Variants in BNC2 observed in about 807,000 individuals in gnomAD.
The protein encoded by BNC2 is basonuclin zinc finger protein 2, also known as zinc finger protein basonuclin-2.
In BNC2, 20 loss-of-function variants were observed where a neutral mutation model predicts 76.3. The observed-to-expected ratio is 0.26, with a 90% CI of 0.18 to 0.38. BNC2 has a LOEUF of 0.38. Ranked by LOEUF, BNC2 falls within the 10% of genes least tolerant of loss-of-function variation. The pLI is 1.00. For synonymous variants in BNC2, 582 were observed against 514.8 expected, an observed-to-expected ratio of 1.13 and a Z score of -1.77; for missense variants, 1,382 against 1,399.8, an observed-to-expected ratio of 0.99 and a Z score of 0.20.
chr9:16,744,239 G>A (rs1278998502), intron 1 of BNC2, among the ~76,000 whole-genome samples: 7 of 152,186 alleles, frequency 4.6e-5, no homozygotes, highest in African/African-American at 1.7e-4. Context: ...AAAGTGCTGG[G>A]ATTACAGGCG....
chr9:16,541,416 C>T (rs1415434701), intron 5 of BNC2, among the ~76,000 whole-genome samples: 2 of 152,132 alleles, frequency 1.3e-5, no homozygotes, highest in Non-Finnish European at 2.9e-5. Flanking sequence ...TGGCACAAGC[C>T]CATGGCTACT....
chr9:16,789,165 T>G lies in BNC2; in HGVS notation c.4-50680A>C, dbSNP rs540594867. 2.6e-5 allele frequency among the ~76,000 whole-genome samples: 4 copies of G among 152,240 alleles called. No homozygotes were observed. The South Asian group carries it at 8.3e-4, about 32-fold the overall frequency. ...TGCATGAGTCCATTTACATGATATT[T>G]TGAGAAACACAAAACTATAGGGGCA... On this transcript the variant is annotated intron_variant, in intron 1 of 6. Transcript: ENST00000380672.
intron 3 of BNC2, among the ~76,000 whole-genome samples, chr9:16,610,725 T>C (rs1358069454): frequency 1.3e-5 from 2 of 152,136 alleles, no homozygotes; most frequent in East Asian, 3.9e-4. Context: ...AGAAGATCAT[T>C]AGGTACATGG....
chr9:16,585,021 T>C (rs1252216605), intron 3 of BNC2, among the ~76,000 whole-genome samples: 4 of 152,088 alleles, frequency 2.6e-5, no homozygotes, highest in East Asian at 1.9e-4. Flanking sequence ...TAAAATGAGA[T>C]GGTATTTCAA....
At chr9:16,442,477 C>A (rs1821147344) in intron 5 of BNC2, among the ~76,000 whole-genome samples, 1 of 152,146 alleles carries the variant, frequency 6.6e-6, no homozygotes, top group South Asian at 2.1e-4. Flanking sequence ...TATCTGAGTC[C>A]TTTCCCACAT....
chr9:16,439,648 G>C (rs888492676), intron 5 of BNC2, among the ~76,000 whole-genome samples: 6 of 152,156 alleles, frequency 3.9e-5, no homozygotes, highest in Non-Finnish European at 7.3e-5. Flanking sequence ...AATTCTCTCT[G>C]AAACACTGCC....
intron 6 of BNC2, among the ~76,000 whole-genome samples, chr9:16,428,852 T>C (rs1044134230): frequency 3.9e-5 from 6 of 152,222 alleles, no homozygotes; most frequent in Non-Finnish European, 8.8e-5. Flanking sequence ...ACTCCTGTTT[T>C]AATTCAAGCA....
intron 5 of BNC2, among the ~76,000 whole-genome samples, chr9:16,448,393 A>G (rs1476302129): frequency 3.3e-5 from 5 of 152,274 alleles, no homozygotes; most frequent in Admixed American, 1.3e-4. Context: ...CAAAACTTGA[A>G]CAATTCAAGG....
rs1280801363 is a variant in BNC2 at position 16,413,454 on chromosome 9, G to A, written c.*5535C>T. 4 of 151,694 alleles carry A rather than the reference G, an allele frequency of 2.6e-5. No individual in the cohort carries two copies. The highest frequency in any genetic ancestry group is 5.9e-5 in the Non-Finnish European group (4 of 67,970). 9.4% of individuals were successfully genotyped at this position (151,694 alleles called of 1,614,324 possible). On this transcript the variant is annotated 3_prime_UTR_variant, in exon 7 of 7. Transcript: ENST00000380672. ...TAATCTTTTGGATTAAAAGCATTTGGATTTTTCAACAAATGCCAAAAAGAC... is the reference window on the plus strand; with the variant it reads ...TAATCTTTTGGATTAAAAGCATTTGAATTTTTCAACAAATGCCAAAAAGAC...
At chr9:16,652,654 C>T (rs1821825111) in intron 3 of BNC2, among the ~76,000 whole-genome samples, 1 of 152,182 alleles carries the variant, frequency 6.6e-6, no homozygotes, top group African/African-American at 2.4e-5. Context: ...ATGATATCAT[C>T]ACTTTTCTTC....
intron 1 of BNC2, among the ~76,000 whole-genome samples, chr9:16,837,705 G>C (rs1818739653): frequency 6.6e-6 from 1 of 152,134 alleles, no homozygotes; most frequent in Admixed American, 6.5e-5. Flanking sequence ...TCCTCTGAAG[G>C]TATATAAGAC....
intron 1 of BNC2, among the ~76,000 whole-genome samples, chr9:16,798,814 C>T (rs772313142): frequency 1.3e-5 from 2 of 152,054 alleles, no homozygotes; most frequent in African/African-American, 2.4e-5. Flanking sequence ...TAAACATATG[C>T]CCACAGAGAG....
intron 5 of BNC2, among the ~76,000 whole-genome samples, chr9:16,542,351 A>C (rs1818348640): frequency 6.6e-6 from 1 of 152,062 alleles, no homozygotes; most frequent in Non-Finnish European, 1.5e-5. Flanking sequence ...TCTCAAGTCT[A>C]CCTTGACTGA....
intron 1 of BNC2, among the ~76,000 whole-genome samples, chr9:16,768,236 G>C (rs1825746669): frequency 6.6e-6 from 1 of 152,080 alleles, no homozygotes; most frequent in African/African-American, 2.4e-5. Flanking sequence ...AAAGTGCTAG[G>C]ATTACAGGCG....
chr9:16,680,401 T>A (rs964897986), intron 3 of BNC2, among the ~76,000 whole-genome samples: 2 of 152,036 alleles, frequency 1.3e-5, no homozygotes, highest in Non-Finnish European at 2.9e-5. Flanking sequence ...TCATTTAAAT[T>A]TCATATAAAA....
At chr9:16,674,489 A>G (rs1039831707) in intron 3 of BNC2, among the ~76,000 whole-genome samples, 2 of 152,332 alleles carry the variant, frequency 1.3e-5, no homozygotes, top group African/African-American at 4.8e-5. Context: ...TAGTCATTTT[A>G]CAACTCGCAT....
At chr9:16,674,123 T>C (rs1309801285) in intron 3 of BNC2, among the ~76,000 whole-genome samples, 1 of 152,198 alleles carries the variant, frequency 6.6e-6, no homozygotes, top group Non-Finnish European at 1.5e-5. Flanking sequence ...AGCATCAATT[T>C]CATATCCTCA....
rs1821667729 is a variant in BNC2, at chr9:16,464,744, T to A, written c.670-27220A>T. ...GCTAATTTTTGTATTTTAGCAGAGA[T>A]GGTAACTATATCATTATATGATGTG... On this transcript the variant is annotated intron_variant, in intron 5 of 6. Coordinates refer to ENST00000380672, the MANE Select transcript of BNC2 (RefSeq NM_017637.6). Among the ~76,000 whole-genome samples, 2 of 152,118 alleles carry A rather than the reference T, an allele frequency of 1.3e-5. 1 individual carries two copies. Among genetic ancestry groups the A allele is most frequent in the African/African-American group, 4.8e-5 (2 of 41,414 alleles).
chr9:16,627,162 T>A (rs564105770), intron 3 of BNC2, among the ~76,000 whole-genome samples: 1 of 152,260 alleles, frequency 6.6e-6, no homozygotes, highest in African/African-American at 2.4e-5. Context: ...GGAGTGTATG[T>A]AGTGAGGCAT....
Sources: gnomAD v4.1 joint callset for allele counts (sites outside exome capture counted in the v4.1 genomes callset) on GRCh38, gnomAD v4.1.1 for gene constraint, MANE v1.5 for transcripts, NCBI Gene and HGNC (gene_info 2026-07-23, HGNC 2026-07-21) for gene names.